The following XKR9 variants were observed in gnomAD, a reference collection of about 807,000 sequenced individuals.
XKR9 encodes XK related 9.
In XKR9, 32 loss-of-function variants were observed where a neutral mutation model predicts 32.0. The observed-to-expected ratio is 1.00, with a 90% CI of 0.76 to 1.34. The LOEUF (loss-of-function observed/expected upper bound fraction) is 1.34, where lower values mean the gene tolerates loss of function less well. XKR9 is among the 40% of genes most tolerant of loss of function. XKR9 has a pLI of 0.00. For synonymous variants in XKR9, 168 were observed against 143.4 expected (o/e 1.17, Z -1.22); for missense variants, 546 against 429.7 (o/e 1.27, Z -2.39).
the XKR9 span, among the ~76,000 whole-genome samples, chr8:70,989,517 G>A: frequency 6.6e-6 from 1 of 152,130 alleles, no homozygotes; most frequent in Non-Finnish European, 1.5e-5. Context: ...GACTTTACTT[G>A]CTGAGCTGAT....
the XKR9 span, among the ~76,000 whole-genome samples, chr8:71,029,395 A>G: frequency 0.57 from 86,277 of 151,834 alleles, 25,602 homozygotes; most frequent in African/African-American, 0.64. Context: ...CAGTTTTTTG[A>G]TTTGCCCAAA....
the XKR9 span, among the ~76,000 whole-genome samples, chr8:70,868,806 C>T: frequency 6.6e-6 from 1 of 152,184 alleles, no homozygotes; most frequent in Non-Finnish European, 1.5e-5. Context: ...CAGGCTGCAA[C>T]TTTTCTGAAC....
chr8:70,765,653 T>C (rs958858496), intron 2 of XKR9, among the ~76,000 whole-genome samples: 1 of 152,244 alleles, frequency 6.6e-6, no homozygotes, highest in Non-Finnish European at 1.5e-5. Flanking sequence ...CAGTTGCTTT[T>C]GATGTTTTAG....
the XKR9 span, among the ~76,000 whole-genome samples, chr8:71,057,105 A>G: frequency 6.6e-6 from 1 of 152,204 alleles, no homozygotes; most frequent in African/African-American, 2.4e-5. Context: ...ATGTTCCATC[A>G]GCACAAGGAG....
the XKR9 span, among the ~76,000 whole-genome samples, chr8:70,883,908 G>T: frequency 9.2e-5 from 14 of 152,104 alleles, no homozygotes; most frequent in Non-Finnish European, 1.8e-4. Flanking sequence ...ATCAAGGAGT[G>T]TGATTGCTCA....
At chr8:70,792,807 C>T (rs1442971317), downstream of XKR9, among the ~76,000 whole-genome samples, 1 of 152,050 alleles carries the variant, frequency 6.6e-6, no homozygotes, top group Non-Finnish European at 1.5e-5. Flanking sequence ...ATAAAAGACA[C>T]CCCAGAAAGC....
At chr8:71,021,667 C>T in the XKR9 span, among the ~76,000 whole-genome samples, 1 of 151,742 alleles carries the variant, frequency 6.6e-6, no homozygotes, top group Non-Finnish European at 1.5e-5. Flanking sequence ...CATGCCCGGC[C>T]AATTTTTGTA....
chr8:71,002,121 G>A, the XKR9 span, among the ~76,000 whole-genome samples: 3 of 151,438 alleles, frequency 2.0e-5, no homozygotes, highest in Admixed American at 6.6e-5. Context: ...TCATGAGGTC[G>A]TAAGAGAAAT....
chr8:70,695,911 C>T (rs1805255883), intron 3 of XKR9, among the ~76,000 whole-genome samples: 1 of 151,724 alleles, frequency 6.6e-6, no homozygotes, highest in South Asian at 2.1e-4. Flanking sequence ...TTTTGATTTG[C>T]ATTTCTCTGA....
Position 70,707,082 on chromosome 8 carries a change from T to C in XKR9, c.422T>C (p.Leu141Pro), listed in dbSNP as rs1805746366. The C allele has an allele frequency of 6.2e-7, 1 of 1,613,382 alleles. No individual in the cohort carries two copies. The highest frequency in any genetic ancestry group is 8.5e-7 in the Non-Finnish European group (1 of 1,179,540). Residue 141 changes from leucine (L) to proline (P), a missense_variant, in exon 4 of 5, where the codon CTG (leucine) becomes CCG (proline). By Grantham distance (98) the Leu-to-Pro change is moderately conservative. Coordinates refer to ENST00000408926, the MANE Select transcript of XKR9 (RefSeq NM_001011720.2). ...LSMLRLFETY[L>P]EGCPQLILQL... ...ATGCTCAGACTATTTGAGACCTACC[T>C]GGAAGGCTGCCCACAACTTATTCTT...
intron 3 of XKR9, among the ~76,000 whole-genome samples, chr8:70,789,803 C>G (rs921631788): frequency 1.3e-5 from 2 of 151,900 alleles, no homozygotes; most frequent in African/African-American, 4.8e-5. Flanking sequence ...AATTACTGTT[C>G]TTGTTTTACT....
the XKR9 span, among the ~76,000 whole-genome samples, chr8:71,001,319 C>T: frequency 2.0e-5 from 3 of 152,054 alleles, no homozygotes; most frequent in Non-Finnish European, 2.9e-5. Context: ...TGGAGTACAG[C>T]AGCACCATCA....
At chr8:70,810,266 G>A in the XKR9 span, among the ~76,000 whole-genome samples, 28 of 152,290 alleles carry the variant, frequency 1.8e-4, no homozygotes, top group Non-Finnish European at 3.7e-4. Context: ...CACCAGGCCT[G>A]CCCTAAAAGA....
chr8:70,904,628 G>C, the XKR9 span, among the ~76,000 whole-genome samples: 7 of 152,026 alleles, frequency 4.6e-5, no homozygotes, highest in Non-Finnish European at 4.4e-5. Context: ...ACATTTAAGG[G>C]TTATATTGTT....
the XKR9 span, among the ~76,000 whole-genome samples, chr8:71,024,645 A>C: frequency 1.3e-5 from 2 of 152,158 alleles, no homozygotes; most frequent in Non-Finnish European, 2.9e-5. Flanking sequence ...TGCAGGGGTC[A>C]AGGGACTCTC....
the XKR9 span, among the ~76,000 whole-genome samples, chr8:70,803,078 T>C: frequency 3.3e-5 from 5 of 152,188 alleles, no homozygotes; most frequent in African/African-American, 4.8e-5. Context: ...CCCTCTCTTT[T>C]AGGGTTGACA....
chr8:70,828,521 C>T, the XKR9 span, among the ~76,000 whole-genome samples: 29 of 151,774 alleles, frequency 1.9e-4, no homozygotes, highest in African/African-American at 6.0e-4. Flanking sequence ...GTCAGGAGTT[C>T]GAGGCCAGCC....
the XKR9 span, among the ~76,000 whole-genome samples, chr8:70,868,936 T>A: frequency 6.6e-6 from 1 of 152,118 alleles, no homozygotes; most frequent in South Asian, 2.1e-4. Context: ...TCTCTCAAGT[T>A]CAAAGTTCTA....
chr8:71,016,848 T>C, the XKR9 span, among the ~76,000 whole-genome samples: 6 of 151,052 alleles, frequency 4.0e-5, no homozygotes, highest in Admixed American at 4.0e-4. Context: ...TTTTTTTTTT[T>C]CTAGTCATAC....
Sources: gnomAD v4.1 joint callset for allele counts (sites outside exome capture counted in the v4.1 genomes callset) on GRCh38, gnomAD v4.1.1 for gene constraint, MANE v1.5 for transcripts, NCBI Gene and HGNC (gene_info 2026-07-23, HGNC 2026-07-21) for gene names.